Variants in DOCK9 observed in about 807,000 individuals in gnomAD.
DOCK9 encodes dedicator of cytokinesis 9, also known as dedicator of cytokinesis protein 9.
Under a neutral mutation model 263.3 loss-of-function variants are expected in DOCK9, and 89 were observed. The ratio of observed to expected loss-of-function variants is 0.34; its 90% CI spans 0.28 to 0.40. The LOEUF is 0.40. Among genes scored for constraint, DOCK9 ranks in the 10% least tolerant of loss-of-function variants. The pLI is 1.00. For missense variants in DOCK9, 2,140 were observed against 2,603.4 expected, an observed-to-expected ratio of 0.82 and a Z score of 3.87; for synonymous variants, 976 against 973.1, an observed-to-expected ratio of 1.00 and a Z score of -0.06.
chr13:98,945,014 T>C (rs1486062923), intron 2 of DOCK9, among the ~76,000 whole-genome samples: 1 of 152,250 alleles, frequency 6.6e-6, no homozygotes, highest in Non-Finnish European at 1.5e-5. Flanking sequence ...CTAAGCAAGA[T>C]GGTTTTAAAC....
intron 3 of DOCK9, among the ~76,000 whole-genome samples, chr13:98,927,861 C>T (rs1369714675): frequency 1.3e-5 from 2 of 152,048 alleles, no homozygotes; most frequent in Non-Finnish European, 2.9e-5. Flanking sequence ...CCTCGTGATC[C>T]ACCCGCCTCG....
intron 1 of DOCK9, 119 bp downstream of exon 1, chr13:98,977,665 G>A (rs1399909062): frequency 3.4e-6 from 3 of 885,758 alleles, no homozygotes; most frequent in Non-Finnish European, 5.2e-6. Flanking sequence ...AGTTCACAAG[G>A]GACAAGCAGA....
rs139949104 is a variant in DOCK9, at chr13:98,849,569, T to C, written c.4013+478A>G. On this transcript the variant is annotated intron_variant, in intron 36 of 52. Coordinates refer to ENST00000682017, the MANE Select transcript of DOCK9 (RefSeq NM_001366683.2). ...CCCAGCAGTTTTGGATAAGGGATTG[T>C]AAATTCACGTTTCTAAAAGTAAAGA... Among the ~76,000 whole-genome samples the C allele has an allele frequency of 2.6e-3, 391 of 152,256 alleles. 5 individuals carry two copies. The highest frequency in any genetic ancestry group is 9.0e-3 in the African/African-American group (372 of 41,554).
At chr13:99,051,095 C>G (rs1046223134) in intron 1 of DOCK9, among the ~76,000 whole-genome samples, 1 of 152,120 alleles carries the variant, frequency 6.6e-6, no homozygotes, top group Non-Finnish European at 1.5e-5. Flanking sequence ...AAGGGCTGTG[C>G]GAGCCACTGT....
At chr13:98,923,609 T>G (rs1166644775) in intron 4 of DOCK9, among the ~76,000 whole-genome samples, 1 of 152,212 alleles carries the variant, frequency 6.6e-6, no homozygotes, top group Admixed American at 6.5e-5. Flanking sequence ...TCTGGGGAGT[T>G]AGCAGGCATA....
intron 1 of DOCK9, among the ~76,000 whole-genome samples, chr13:98,989,973 G>T (rs796700165): frequency 6.6e-6 from 1 of 152,190 alleles, no homozygotes; most frequent in South Asian, 2.1e-4. Context: ...GTAATTGTGT[G>T]ATCACATATT....
At position 98,996,452 on chromosome 13, in the gene DOCK9, C is replaced by A. The variant is rs146482909; in HGVS notation, c.130-40901G>T. Among the ~76,000 whole-genome samples, 26 of 152,334 alleles carry A rather than the reference C, an allele frequency of 1.7e-4. No individual in the cohort carries two copies. The East Asian group carries it at 4.8e-3, about 28-fold the overall frequency. ...TACTAATATTATATAACTAACTCTT[C>A]ACAAATGTATATTTCACATTCCAAC... is the stretch of plus-strand genomic sequence containing the variant. On this transcript the variant is annotated intron_variant, in intron 1 of 32. Transcript: ENST00000427887.
chr13:98,810,241 G>A lies in DOCK9; in HGVS notation c.5181C>T (p.Ala1727=), dbSNP rs752227702. 6.8e-6 allele frequency: 11 copies of A among 1,612,786 alleles called. No homozygotes were observed. The highest frequency in any genetic ancestry group is 6.7e-5 in the East Asian group (3 of 44,836). Reference sequence around the variant, plus strand: ...TGTCGGCGATGAGCTCGTAGCGCTCGGCTTTCCAGAGTCCATCTGCGCACT... The same window carrying A: ...TGTCGGCGATGAGCTCGTAGCGCTCAGCTTTCCAGAGTCCATCTGCGCACT... ...LEQCADGLWK[A]ERYELIADIY... is the part of the protein sequence containing the mutation. Residue 1727 remains alanine, a synonymous_variant, in exon 46 of 53, where the codon GCC becomes GCT. Transcript: ENST00000682017.
chr13:99,075,714 A>T (rs993848219), intron 1 of DOCK9, among the ~76,000 whole-genome samples: 2 of 151,322 alleles, frequency 1.3e-5, no homozygotes, highest in South Asian at 4.2e-4. Flanking sequence ...CATGGTAAAC[A>T]TCTTTCCTTA....
chr13:98,900,908 C>T (rs1178052588), intron 13 of DOCK9, among the ~76,000 whole-genome samples: 1 of 152,252 alleles, frequency 6.6e-6, no homozygotes, highest in Non-Finnish European at 1.5e-5. Flanking sequence ...GTAAACTTCA[C>T]TCACAGCCTC....
At chr13:98,938,112 C>T (rs931677681) in intron 2 of DOCK9, among the ~76,000 whole-genome samples, 6 of 152,200 alleles carry the variant, frequency 3.9e-5, no homozygotes, top group African/African-American at 7.2e-5. Context: ...CCAACCTGGC[C>T]GGGGCTCTGT....
intron 52 of DOCK9, chr13:98,796,223 T>G (rs2089382030): frequency 1.3e-6 from 2 of 1,586,706 alleles, no homozygotes; most frequent in South Asian, 2.3e-5. Flanking sequence ...GCTGAACGTG[T>G]TAGCATGGAG....
chr13:98,898,396 T>C (rs1162599863), intron 13 of DOCK9, 135 bp from the exon 14 acceptor site: 24 of 650,344 alleles, frequency 3.7e-5, no homozygotes, highest in Non-Finnish European at 8.2e-6. Flanking sequence ...CATCATACAG[T>C]AATGAATATG....
At chr13:98,879,561 A>G (rs1277142804) in intron 27 of DOCK9, among the ~76,000 whole-genome samples, 3 of 152,204 alleles carry the variant, frequency 2.0e-5, no homozygotes, top group Non-Finnish European at 4.4e-5. Context: ...TAATCAAAGG[A>G]AAAGACATAT....
At chr13:98,853,367 G>T in intron 35 of DOCK9, 41 bp downstream of exon 35, 1 of 1,351,034 alleles carries the variant, frequency 7.4e-7, no homozygotes, top group Non-Finnish European at 1.0e-6. Flanking sequence ...CAAACCAAGT[G>T]CTGAAACGAG....
chr13:98,881,564 A>G lies in DOCK9; in HGVS notation c.2739T>C (p.Tyr913=). 6.2e-7 allele frequency: 1 copy of G among 1,604,264 alleles called. No individual in the cohort carries two copies. Among genetic ancestry groups the G allele is most frequent in the East Asian group, 2.2e-5 (1 of 44,682 alleles). ...EEGLESHLRS[Y]VKYAYKAEPY... is the part of the protein sequence containing the mutation. ...AACAGTGTGTTTTACATACCTTAACATATGACCTCAAGTGGCTCTCCAATC... is the reference window on the plus strand; with the variant it reads ...AACAGTGTGTTTTACATACCTTAACGTATGACCTCAAGTGGCTCTCCAATC... Residue 913 remains tyrosine, a synonymous_variant, in exon 25 of 53, where the codon TAT becomes TAC. Coordinates refer to ENST00000682017, the MANE Select transcript of DOCK9 (RefSeq NM_001366683.2).
chr13:98,860,306 A>G (rs1407840394), intron 33 of DOCK9, 99 bp downstream of exon 33: 4 of 1,519,428 alleles, frequency 2.6e-6, no homozygotes, highest in Admixed American at 4.2e-5. Flanking sequence ...TTAGACTTCA[A>G]GGTCCTACCA....
chr13:98,821,793 T>C (rs2092290384), intron 45 of DOCK9, among the ~76,000 whole-genome samples: 1 of 152,200 alleles, frequency 6.6e-6, no homozygotes, highest in Non-Finnish European at 1.5e-5. Flanking sequence ...GCTAAGAGAA[T>C]TGAGTATTTT....
At chr13:98,915,922 T>C (rs918026822) in intron 7 of DOCK9, among the ~76,000 whole-genome samples, 3 of 152,256 alleles carry the variant, frequency 2.0e-5, no homozygotes, top group Admixed American at 2.0e-4. Context: ...CTTCAGCTCC[T>C]ATTTTTTTAA....
Sources: gnomAD v4.1 joint callset for allele counts (sites outside exome capture counted in the v4.1 genomes callset) on GRCh38, gnomAD v4.1.1 for gene constraint, MANE v1.5 for transcripts, NCBI Gene and HGNC (gene_info 2026-07-23, HGNC 2026-07-21) for gene names.